Variants in COL28A1 observed in about 807,000 individuals in gnomAD.
COL28A1 encodes collagen type XXVIII alpha 1 chain, also known as collagen alpha-1(XXVIII) chain.
A neutral mutation model predicts 150.2 loss-of-function variants in COL28A1; 161 were observed. The observed-to-expected ratio is 1.07, with a 90% CI of 0.94 to 1.22. COL28A1 has a LOEUF of 1.22. Among genes scored for constraint, COL28A1 ranks in the 50% most tolerant of loss-of-function variants. The pLI, the probability that COL28A1 is intolerant of heterozygous loss-of-function variation, is 0.00. For missense variants in COL28A1, 1,617 were observed against 1,388.3 expected (o/e 1.16, Z -2.62); for synonymous variants, 552 against 469.7 (o/e 1.18, Z -2.26).
chr7:7,462,007 G>A (rs554766241), intron 15 of COL28A1, among the ~76,000 whole-genome samples: 113 of 152,250 alleles, frequency 7.4e-4, no homozygotes, highest in Non-Finnish European at 1.4e-3. Flanking sequence ...TGGAGCAGGC[G>A]CTGGTATCCA....
At chr7:7,498,882 G>A (rs773182663) in intron 11 of COL28A1, among the ~76,000 whole-genome samples, 1 of 151,014 alleles carries the variant, frequency 6.6e-6, no homozygotes, top group Non-Finnish European at 1.5e-5. Flanking sequence ...GTCCATCAGA[G>A]CTTTTACCTG....
intron 8 of COL28A1, among the ~76,000 whole-genome samples, chr7:7,511,470 A>G (rs1221407356): frequency 1.3e-5 from 2 of 152,232 alleles, no homozygotes; most frequent in South Asian, 2.1e-4. Flanking sequence ...TTGAATCCAC[A>G]TAACGGTCCA....
intron 25 of COL28A1, among the ~76,000 whole-genome samples, chr7:7,431,856 T>C (rs1179366271): frequency 1.3e-5 from 2 of 152,024 alleles, no homozygotes; most frequent in Admixed American, 1.3e-4. Context: ...AGAGTTGAGA[T>C]ATATTTTGGC....
intron 27 of COL28A1, among the ~76,000 whole-genome samples, chr7:7,408,399 T>C (rs1214449463): frequency 6.6e-6 from 1 of 152,130 alleles, no homozygotes; most frequent in Non-Finnish European, 1.5e-5. Context: ...AAAAGACTTA[T>C]CTGCAACTAG....
upstream of COL28A1, among the ~76,000 whole-genome samples, chr7:7,540,147 T>C (rs1474163051): frequency 6.6e-6 from 1 of 152,230 alleles, no homozygotes; most frequent in Admixed American, 6.5e-5. Flanking sequence ...TCTAGTCCTA[T>C]CATAGGTTTG....
At chr7:7,343,029 G>C in the COL28A1 span, among the ~76,000 whole-genome samples, 4 of 151,944 alleles carry the variant, frequency 2.6e-5, no homozygotes, top group African/African-American at 9.7e-5. Flanking sequence ...AAACATGAAA[G>C]ATACTCCTTC....
chr7:7,527,806 A>G (rs1283633463), intron 3 of COL28A1, among the ~76,000 whole-genome samples: 2 of 152,158 alleles, frequency 1.3e-5, no homozygotes, highest in African/African-American at 4.8e-5. Context: ...TTCAAGGAGT[A>G]TAAGGTTTAT....
intron 8 of COL28A1, among the ~76,000 whole-genome samples, chr7:7,514,786 G>A (rs1409328249): frequency 6.6e-6 from 1 of 152,086 alleles, no homozygotes; most frequent in Non-Finnish European, 1.5e-5. Flanking sequence ...TCCACAGCAA[G>A]AGCATGAGCA....
At chr7:7,444,046 A>T (rs17167804) in intron 19 of COL28A1, among the ~76,000 whole-genome samples, 29,940 of 145,994 alleles carry the variant, frequency 0.21, 4,274 homozygotes, top group African/African-American at 0.41. Context: ...AAATGTCAAC[A>T]CAAAATACTT....
chr7:7,487,840 C>T (rs1364039269), intron 13 of COL28A1, among the ~76,000 whole-genome samples: 2 of 152,184 alleles, frequency 1.3e-5, no homozygotes, highest in Non-Finnish European at 2.9e-5. Flanking sequence ...CTAAGCTTTA[C>T]ATGATGAGTG....
At chr7:7,419,993 A>T in intron 25 of COL28A1, 40 bp from the exon 26 acceptor site, 1 of 1,404,426 alleles carries the variant, frequency 7.1e-7, no homozygotes, top group Non-Finnish European at 9.7e-7. Flanking sequence ...TAATTTTTTA[A>T]AGACTTTATG....
intron 25 of COL28A1, among the ~76,000 whole-genome samples, chr7:7,427,474 C>A (rs1221539370): frequency 6.6e-6 from 1 of 152,168 alleles, no homozygotes; most frequent in African/African-American, 2.4e-5. Flanking sequence ...GTTCCTTGTC[C>A]AGTCTATGTC....
rs912175052 is a variant in COL28A1, at chr7:7,364,047, C to T, written c.3067-3519G>A. On this transcript the variant is annotated intron_variant, in intron 33 of 34. Transcript: ENST00000399429. The stretch of plus-strand genomic sequence containing the variant: ...CTATTCTGCCTCAGGCTCTCAATAT[C>T]AACCCTTCCACCACAGCCTAGGAAA... 7.9e-5 allele frequency among the ~76,000 whole-genome samples: 12 copies of T among 152,258 alleles called. No individual in the cohort carries two copies. The Middle Eastern group carries it at 0.031, about 388-fold the overall frequency.
chr7:7,503,813 G>C (rs1780660709), intron 11 of COL28A1, among the ~76,000 whole-genome samples: 1 of 152,142 alleles, frequency 6.6e-6, no homozygotes, highest in South Asian at 2.1e-4. Flanking sequence ...ACTATGACTA[G>C]AAAGAAAAGG....
chr7:7,465,084 G>C (rs1787953966), intron 15 of COL28A1, among the ~76,000 whole-genome samples: 1 of 152,240 alleles, frequency 6.6e-6, no homozygotes, highest in South Asian at 2.1e-4. Context: ...TTCTTGAAAA[G>C]ATACAACCGG....
In COL28A1 at chr7:7,456,541, A is replaced by C. The variant is rs146507764; in HGVS notation, c.1303-429T>G. On this transcript the variant is annotated intron_variant, in intron 15 of 34. Transcript: ENST00000399429. The stretch of plus-strand genomic sequence containing the variant: ...TACCCTTTCCCTCCAAATCTTATTG[A>C]AAATGCATTTTGAAAATGAAGAAAT... 3.0e-3 allele frequency among the ~76,000 whole-genome samples: 457 copies of C among 152,354 alleles called. 1 individual carries two copies. The highest frequency in any genetic ancestry group is 0.011 in the African/African-American group (440 of 41,578).
chr7:7,530,477 A>C (rs1449788396), intron 3 of COL28A1, among the ~76,000 whole-genome samples: 2 of 152,236 alleles, frequency 1.3e-5, no homozygotes, highest in Non-Finnish European at 2.9e-5. Flanking sequence ...TGAAACGCTC[A>C]GTACATAAAG....
intron 27 of COL28A1, among the ~76,000 whole-genome samples, chr7:7,407,590 C>A (rs1260028602): frequency 6.6e-6 from 1 of 151,802 alleles, no homozygotes; most frequent in African/African-American, 2.4e-5. Context: ...AGGAAAATAT[C>A]TTTTAAGAAG....
chr7:7,354,896 G>A (rs1780312716), downstream of COL28A1, among the ~76,000 whole-genome samples: 2 of 152,160 alleles, frequency 1.3e-5, no homozygotes, highest in Admixed American at 6.5e-5. Flanking sequence ...AGAGCTAATA[G>A]GCTCCTAAGA....
Sources: allele counts gnomAD v4.1 joint callset (sites outside exome capture counted in the v4.1 genomes callset), GRCh38; gene constraint gnomAD v4.1.1; transcripts MANE v1.5; gene names NCBI Gene and HGNC (gene_info 2026-07-23, HGNC 2026-07-21).